SYT10: variants seen among roughly 807,000 people sequenced by gnomAD.
SYT10 encodes the protein synaptotagmin-10.
A neutral mutation model predicts 51.1 loss-of-function variants in SYT10; 31 were observed. The observed-to-expected ratio is 0.61, with a 90% CI of 0.46 to 0.82. SYT10 has a LOEUF of 0.82. Among genes scored for constraint, SYT10 ranks in the 40% least tolerant of loss-of-function variants. The pLI, the probability that SYT10 is intolerant of heterozygous loss-of-function variation, is 0.00. For missense variants in SYT10, 603 were observed against 634.0 expected (o/e 0.95, Z 0.53); for synonymous variants, 233 against 225.9 (o/e 1.03, Z -0.28).
At position 33,407,126 on chromosome 12, in the gene SYT10, A is replaced by G; in HGVS notation, c.740T>C (p.Leu247Pro). Residue 247 changes from leucine (L) to proline (P), a missense_variant, in exon 3 of 7, where the codon CTT (leucine) becomes CCT (proline). Physicochemically the swap from Leu to Pro is moderately conservative, Grantham distance 98. Coordinates refer to ENST00000228567, the MANE Select transcript of SYT10 (RefSeq NM_198992.4). Reference sequence around the variant, plus strand: ...AGCTTTGATAATTTTAACAACTAGAAGTTCATTTTCATAATCATACTGGAG... The same window carrying G: ...AGCTTTGATAATTTTAACAACTAGAGGTTCATTTTCATAATCATACTGGAG... ...FTLQYDYENELLVVKIIKALD... is the reference protein window; with the variant it reads ...FTLQYDYENEPLVVKIIKALD... The G allele has an allele frequency of 6.2e-7, 1 of 1,613,746 alleles. No individual in the cohort carries two copies. Among genetic ancestry groups the G allele is most frequent in the Non-Finnish European group, 8.5e-7 (1 of 1,179,932 alleles).
chr12:33,418,497 C>A (rs973520466), intron 2 of SYT10, among the ~76,000 whole-genome samples: 12 of 152,216 alleles, frequency 7.9e-5, no homozygotes, highest in Non-Finnish European at 1.8e-4. Context: ...TGGTTGCCCA[C>A]TGAACTTGTC....
chr12:33,414,090 C>A (rs1345180992), intron 2 of SYT10, among the ~76,000 whole-genome samples: 2 of 151,828 alleles, frequency 1.3e-5, no homozygotes, highest in East Asian at 3.9e-4. Flanking sequence ...ACAAAGAAGG[C>A]CATTACATAA....
Position 33,376,744 on chromosome 12 carries a change from TGAG to T in SYT10, c.*83_*85del. ...TTCATTAGTACGGATATATTTCAAA[TGAG>T]GAAACCAAACCTTCCACTTTTTTTC... On this transcript the variant is annotated 3_prime_UTR_variant, in exon 7 of 7. Coordinates refer to ENST00000228567, the MANE Select transcript of SYT10 (RefSeq NM_198992.4). 1 of 1,473,402 alleles carries T rather than the reference TGAG, an allele frequency of 6.8e-7. No homozygotes were observed. The highest frequency in any genetic ancestry group is 9.4e-7 in the Non-Finnish European group (1 of 1,061,568). The allele number at this position is 1,473,402 out of a possible 1,614,324, so 91.3% of individuals were successfully genotyped here.
chr12:33,439,493 G>C lies in SYT10; in HGVS notation c.30C>G (p.Asn10Lys). Reference sequence around the variant, plus strand: ...TGTGCAGAGCCTTCTGGCACAGACTGTTCACTCCGTCCTCCTTGTGGAAAC... The same window carrying C: ...TGTGCAGAGCCTTCTGGCACAGACTCTTCACTCCGTCCTCCTTGTGGAAAC... MSFHKEDGV[N>K]SLCQKALHIV... The change falls in exon 1 of 7, where the codon AAC (asparagine) becomes AAG (lysine). Residue 10 changes from asparagine to lysine, a missense_variant. Asn to Lys is a moderately conservative substitution (Grantham distance 94). Transcript: ENST00000228567. 6.2e-7 allele frequency: 1 copy of C among 1,613,872 alleles called. No individual in the cohort carries two copies. Among genetic ancestry groups the C allele is most frequent in the African/African-American group, 1.3e-5 (1 of 75,042 alleles).
At position 33,376,907 on chromosome 12, in the gene SYT10, A is replaced by C; in HGVS notation, c.1501-6T>G. On this transcript the variant is annotated splice_polypyrimidine_tract_variant and splice_region_variant and intron_variant, in intron 6 of 6. Coordinates refer to ENST00000228567, the MANE Select transcript of SYT10 (RefSeq NM_198992.4). Reference sequence around the variant, plus strand: ...CTGGTCGCCCGGCCAGGTAACTGAAAGACAAAAATTTCATAATGTATGATC... The same window carrying C: ...CTGGTCGCCCGGCCAGGTAACTGAACGACAAAAATTTCATAATGTATGATC... 6.2e-7 allele frequency: 1 copy of C among 1,614,082 alleles called. No individual in the cohort carries two copies. Among genetic ancestry groups the C allele is most frequent in the South Asian group, 1.1e-5 (1 of 91,074 alleles).
At chr12:33,413,831 C>A (rs2138421636) in intron 2 of SYT10, among the ~76,000 whole-genome samples, 1 of 152,202 alleles carries the variant, frequency 6.6e-6, no homozygotes, top group Non-Finnish European at 1.5e-5. Context: ...TCACACATAA[C>A]AATATTAATC....
At chr12:33,398,548 C>T (rs1459565002) in intron 3 of SYT10, among the ~76,000 whole-genome samples, 1 of 151,900 alleles carries the variant, frequency 6.6e-6, no homozygotes, top group East Asian at 1.9e-4. Flanking sequence ...ATAATATCTA[C>T]TCACTGAATC....
rs749392898 is a variant in SYT10, at chr12:33,382,481, C to T, written c.1238G>A (p.Arg413Lys). 6.2e-7 allele frequency: 1 copy of T among 1,612,834 alleles called. No individual in the cohort carries two copies. Among genetic ancestry groups the T allele is most frequent in the Non-Finnish European group, 8.5e-7 (1 of 1,179,330 alleles). ...TGTAGTTGTTTTCCTCTTTTTTAATCTTCGACCTTCACACATCAGGGACAC... is the reference window on the plus strand; with the variant it reads ...TGTAGTTGTTTTCCTCTTTTTTAATTTTCGACCTTCACACATCAGGGACAC... ...VKVSLMCEGR[R>K]LKKRKTTTKK... The change falls in exon 5 of 7, where the codon AGA becomes AAA. Residue 413 changes from arginine (R) to lysine (K), a missense_variant. Physicochemically the swap from Arg to Lys is conservative, Grantham distance 26. Coordinates refer to ENST00000228567, the MANE Select transcript of SYT10 (RefSeq NM_198992.4).
chr12:33,396,357 T>G (rs1866255826), intron 3 of SYT10, among the ~76,000 whole-genome samples: 1 of 152,212 alleles, frequency 6.6e-6, no homozygotes, highest in Non-Finnish European at 1.5e-5. Flanking sequence ...TGAGATATTT[T>G]AAATATAAGA....
intron 3 of SYT10, among the ~76,000 whole-genome samples, chr12:33,399,919 A>C (rs1406394349): frequency 6.6e-6 from 1 of 152,154 alleles, no homozygotes; most frequent in Non-Finnish European, 1.5e-5. Context: ...TGACACACCA[A>C]GGCCAGGTTT....
chr12:33,376,369 T>C lies in SYT10; in HGVS notation c.*461A>G, dbSNP rs1216689472. The C allele has an allele frequency of 6.5e-6, 1 of 154,290 alleles. No homozygotes were observed. The highest frequency in any genetic ancestry group is 2.4e-5 in the African/African-American group (1 of 41,464). The allele number at this position is 154,290 out of a possible 1,614,324, so 9.6% of individuals were successfully genotyped here. A position where few individuals can be genotyped will look rare whatever the true frequency, so the allele number is the denominator to read the frequency against. On this transcript the variant is annotated 3_prime_UTR_variant, in exon 7 of 7. Coordinates refer to ENST00000228567, the MANE Select transcript of SYT10 (RefSeq NM_198992.4). ...ATTTGATTGTGCAAGGATTTAATGT[T>C]GTGTAAGTTAAGTTCAAAATCTCCT...
rs995539147 is a variant in SYT10 at position 33,374,630 on chromosome 12, G to T, written c.*2200C>A. On this transcript the variant is annotated 3_prime_UTR_variant, in exon 7 of 7. Coordinates refer to ENST00000228567, the MANE Select transcript of SYT10 (RefSeq NM_198992.4). ...GATGAGTTGTGGTGAATTTCCTCTC[G>T]CTGATCTCTTTCTCAGGATTAACAC... The T allele has an allele frequency of 2.0e-5, 3 of 151,792 alleles. No individual in the cohort carries two copies. The highest frequency in any genetic ancestry group is 2.9e-5 in the Non-Finnish European group (2 of 67,890). The allele number at this position is 151,792 out of a possible 1,614,324, so 9.4% of individuals were successfully genotyped here.
rs765857639 is a variant in SYT10 at position 33,407,288 on chromosome 12, G to C, written c.578C>G (p.Thr193Arg). 2.5e-6 allele frequency: 4 copies of C among 1,612,508 alleles called. No homozygotes were observed. Among genetic ancestry groups the C allele is most frequent in the Non-Finnish European group, 3.4e-6 (4 of 1,180,034 alleles). ...TTCTCCTCGTTGTAAAACAGGTTCT[G>C]TGCCCATGCTAAAATCAACACTGGA... ...QVSSVDFSMG[T>R]EPVLQRGETT... Residue 193 changes from threonine (T) to arginine (R), a missense_variant, in exon 3 of 7, where the codon ACA becomes AGA. Physicochemically the swap from Thr to Arg is moderately conservative, Grantham distance 71 (BLOSUM62 -1). Transcript: ENST00000228567.
intron 6 of SYT10, among the ~76,000 whole-genome samples, chr12:33,377,161 GAAT>G (rs1256784488): frequency 1.3e-5 from 2 of 152,110 alleles, no homozygotes; most frequent in Non-Finnish European, 2.9e-5. Context: ...TATGACAGCA[GAAT>G]AATTTCAAAT....
At position 33,426,362 on chromosome 12, in the gene SYT10, C is replaced by T. The variant is rs11052695; in HGVS notation, c.285G>A (p.Thr95=). ...KSKPVTSNIT[T]LPQSISSAPT... ...GAGCACTTGAAATGCTCTGTGGAAG[C>T]GTAGTGATGTTGGAAGTCACAGGTT... Residue 95 remains threonine, a synonymous_variant, in exon 2 of 7, where the codon ACG becomes ACA. Transcript: ENST00000228567. 56 of 1,613,862 alleles carry T rather than the reference C, an allele frequency of 3.5e-5. No homozygotes were observed. In the Middle Eastern group the frequency reaches 1.3e-3, roughly 38 times the overall value.
Position 33,405,538 on chromosome 12 carries a change from A to G in SYT10, c.1077+1251T>C, listed in dbSNP as rs535644435. 3.3e-5 allele frequency: 5 copies of G among 152,238 alleles called. No homozygotes were observed. In the South Asian group the frequency reaches 1.0e-3, roughly 32 times the overall value. The allele number at this position is 152,238 out of a possible 1,614,324, so 9.4% of individuals were successfully genotyped here. On this transcript the variant is annotated intron_variant, in intron 3 of 6. Coordinates refer to ENST00000228567, the MANE Select transcript of SYT10 (RefSeq NM_198992.4). ...GCAGTATAAATTTTTAAATTAATTT[A>G]TCCACATAATTTACAATGACAATAT...
intron 3 of SYT10, among the ~76,000 whole-genome samples, chr12:33,400,230 A>G (rs1415019722): frequency 2.6e-5 from 4 of 152,252 alleles, no homozygotes; most frequent in African/African-American, 4.8e-5. Context: ...AATATATAGT[A>G]TTATTCTGAT....
chr12:33,429,246 GTTA>G (rs778403073), intron 1 of SYT10, among the ~76,000 whole-genome samples: 2 of 152,180 alleles, frequency 1.3e-5, no homozygotes, highest in Non-Finnish European at 2.9e-5. Flanking sequence ...TGCCAGTAAG[GTTA>G]TAGGTCTCGA....
chr12:33,421,593 A>T (rs1866505616), intron 2 of SYT10, among the ~76,000 whole-genome samples: 1 of 152,148 alleles, frequency 6.6e-6, no homozygotes, highest in Non-Finnish European at 1.5e-5. Context: ...GAAGTGGAGG[A>T]TGATCAATCA....
Sources: gnomAD v4.1 joint callset for allele counts (sites outside exome capture counted in the v4.1 genomes callset) on GRCh38, gnomAD v4.1.1 for gene constraint, MANE v1.5 for transcripts, NCBI Gene and HGNC (gene_info 2026-07-23, HGNC 2026-07-21) for gene names.